The following NCS1 variants were observed in gnomAD, a reference collection of about 807,000 sequenced individuals.
The protein encoded by NCS1 is neuronal calcium sensor 1.
A neutral mutation model predicts 28.4 loss-of-function variants in NCS1; 6 were observed. The observed-to-expected ratio is 0.21, with a 90% confidence interval of 0.12 to 0.42. The LOEUF (loss-of-function observed/expected upper bound fraction) is 0.42, where lower values mean the gene tolerates loss of function less well. Ranked by LOEUF, NCS1 falls within the 10% of genes least tolerant of loss-of-function variation. The pLI, the probability that NCS1 is intolerant of heterozygous loss-of-function variation, is 1.00. For missense variants in NCS1, 131 were observed against 241.4 expected (o/e 0.54, Z 3.03); for synonymous variants, 86 against 99.3 (o/e 0.87, Z 0.79).
chr9:130,173,199 T>TGGGGTG (rs561408660), intron 1 of NCS1, among the ~76,000 whole-genome samples: 1 of 119,828 alleles, frequency 8.3e-6, no homozygotes, highest in African/African-American at 3.3e-5. Context: ...CCCGTTCGTG[T>TGGGGTG]GGGGGGGGGG....
intron 1 of NCS1, among the ~76,000 whole-genome samples, chr9:130,173,199 T>TG (rs372844368): frequency 0.25 from 30,091 of 119,532 alleles, 3,257 homozygotes; most frequent in Admixed American, 0.29. Context: ...CCCGTTCGTG[T>TG]GGGGGGGGGG....
chr9:130,211,988 C>T (rs577441924), intron 2 of NCS1, among the ~76,000 whole-genome samples: 6 of 152,082 alleles, frequency 3.9e-5, no homozygotes, highest in Admixed American at 1.3e-4. Context: ...GAGAAGGAAG[C>T]GGTGAGTGGA....
intron 1 of NCS1, among the ~76,000 whole-genome samples, chr9:130,200,189 C>T (rs1458276536): frequency 6.6e-6 from 1 of 152,204 alleles, no homozygotes; most frequent in African/African-American, 2.4e-5. Flanking sequence ...CTCACACAGG[C>T]AGGGAGCAAG....
chr9:130,187,327 G>A (rs3780714), intron 1 of NCS1, among the ~76,000 whole-genome samples: 3,287 of 152,222 alleles, frequency 0.022, 52 homozygotes, highest in East Asian at 0.053. Flanking sequence ...TCTGAGCACC[G>A]TGACAAGGAC....
chr9:130,211,137 G>A (rs2131144555), intron 2 of NCS1, among the ~76,000 whole-genome samples: 1 of 151,122 alleles, frequency 6.6e-6, no homozygotes, highest in Non-Finnish European at 1.5e-5. Context: ...CCAGGTGTGA[G>A]CCACCTGACC....
At chr9:130,184,751 C>G (rs1234858847) in intron 1 of NCS1, among the ~76,000 whole-genome samples, 1 of 152,046 alleles carries the variant, frequency 6.6e-6, no homozygotes, top group African/African-American at 2.4e-5. Context: ...CCTCAGCCTC[C>G]CAAGTAGCTG....
chr9:130,212,976 AC>A (rs1215269005), intron 2 of NCS1, among the ~76,000 whole-genome samples: 5 of 150,324 alleles, frequency 3.3e-5, no homozygotes, highest in Non-Finnish European at 7.4e-5. Flanking sequence ...GAAGGTTCAG[AC>A]CCCCCCATCC....
In NCS1 at chr9:130,192,421, G is replaced by T. The variant is rs529931349; in HGVS notation, c.65-8537G>T. On this transcript the variant is annotated intron_variant, in intron 1 of 7. Coordinates refer to ENST00000372398, the MANE Select transcript of NCS1 (RefSeq NM_014286.4). The surrounding 1 kb of genome is among the most constrained non-coding windows in gnomAD (Gnocchi z 4.8). ...TTCCTGTCCTCACTCCAGCCCTCTC[G>T]GGGGCTGCTCTTCCTGGACACGGGG... Among the ~76,000 whole-genome samples the T allele has an allele frequency of 1.3e-5, 2 of 152,080 alleles. No individual in the cohort carries two copies. The highest frequency in any genetic ancestry group is 4.8e-5 in the African/African-American group (2 of 41,420).
chr9:130,206,708 C>T (rs1833028655), intron 2 of NCS1, among the ~76,000 whole-genome samples: 1 of 152,142 alleles, frequency 6.6e-6, no homozygotes, highest in East Asian at 1.9e-4. Flanking sequence ...CCGCGCCCGG[C>T]CCCGTTCTTG....
chr9:130,189,879 A>AAAAAAAAAT (rs1554906056), intron 1 of NCS1, among the ~76,000 whole-genome samples: 1 of 37,750 alleles, frequency 2.6e-5, no homozygotes, highest in Admixed American at 4.2e-4. Flanking sequence ...AAAAAAAAAA[A>AAAAAAAAAT]ATATATATAT....
At chr9:130,220,347 G>A (rs575588535) in intron 4 of NCS1, among the ~76,000 whole-genome samples, 117 of 152,282 alleles carry the variant, frequency 7.7e-4, no homozygotes, top group Non-Finnish European at 1.4e-3. Flanking sequence ...AAGATAGATG[G>A]GTCCCTGCTC....
Position 130,219,712 on chromosome 9 carries a change from T to C in NCS1, c.229-13T>C, listed in dbSNP as rs1554909946. The C allele has an allele frequency of 3.1e-6, 5 of 1,613,898 alleles. No homozygotes were observed. In the Admixed American group the frequency reaches 6.7e-5, roughly 22 times the overall value. ...CGGCACTGACTGAGGCAATCCCCTC[T>C]CTCTCCTGTCAGGACGGGCGAATTG... On this transcript the variant is annotated splice_polypyrimidine_tract_variant and intron_variant, in intron 3 of 7. Coordinates refer to ENST00000372398, the MANE Select transcript of NCS1 (RefSeq NM_014286.4). The surrounding 1 kb of genome is among the most constrained non-coding windows in gnomAD (Gnocchi z 5.7).
chr9:130,187,221 T>C (rs1764030736), intron 1 of NCS1, among the ~76,000 whole-genome samples: 1 of 152,078 alleles, frequency 6.6e-6, no homozygotes, highest in South Asian at 2.1e-4. Context: ...CCAGTCAAGG[T>C]CAGGGTCCGG....
rs1833604714 is a variant in NCS1 at position 130,237,050 on chromosome 9, C to T, written c.*4078C>T. 6.6e-6 allele frequency: 1 copy of T among 152,300 alleles called. No homozygotes were observed. Among genetic ancestry groups the T allele is most frequent in the Non-Finnish European group, 1.5e-5 (1 of 68,134 alleles). 9.4% of individuals were successfully genotyped at this position (152,300 alleles called of 1,614,324 possible). On this transcript the variant is annotated 3_prime_UTR_variant, in exon 8 of 8. Coordinates refer to ENST00000372398, the MANE Select transcript of NCS1 (RefSeq NM_014286.4). ...GGGGGAGAAATTGGTATAATGCTTGCAAAAACAAACAAACAAAAGGCAATG... is the reference window on the plus strand; with the variant it reads ...GGGGGAGAAATTGGTATAATGCTTGTAAAAACAAACAAACAAAAGGCAATG...
intron 7 of NCS1, among the ~76,000 whole-genome samples, chr9:130,227,811 C>T (rs184989961): frequency 6.6e-6 from 1 of 152,340 alleles, no homozygotes; most frequent in East Asian, 1.9e-4. Flanking sequence ...GTGCCTCTGG[C>T]TCAAGGACTC....
intron 1 of NCS1, among the ~76,000 whole-genome samples, chr9:130,179,715 T>C (rs75752171): frequency 0.015 from 2,317 of 152,304 alleles, 30 homozygotes; most frequent in Non-Finnish European, 0.018. Context: ...GCCAATTTTA[T>C]GGGGAGGAAA....
At chr9:130,182,743 G>T (rs559996560) in intron 1 of NCS1, among the ~76,000 whole-genome samples, 1 of 152,340 alleles carries the variant, frequency 6.6e-6, no homozygotes, top group Admixed American at 6.5e-5. Context: ...GCAACGTACC[G>T]CCATCTTACG....
chr9:130,220,565 G>A (rs1415819575), intron 4 of NCS1, among the ~76,000 whole-genome samples: 2 of 152,008 alleles, frequency 1.3e-5, no homozygotes, highest in African/African-American at 4.8e-5. Flanking sequence ...CCCAGTGGAG[G>A]GAGGCTGAGA....
chr9:130,210,119 G>A (rs1833092054), intron 2 of NCS1, among the ~76,000 whole-genome samples: 1 of 152,118 alleles, frequency 6.6e-6, no homozygotes, highest in Admixed American at 6.5e-5. Context: ...AGGACTTCCC[G>A]GCCAGGCGCG....
Sources: gnomAD v4.1 joint callset for allele counts (sites outside exome capture counted in the v4.1 genomes callset) on GRCh38, gnomAD v4.1.1 for gene constraint, Gnocchi (gnomAD v3.1) non-coding constraint, MANE v1.5 for transcripts, NCBI Gene and HGNC (gene_info 2026-07-23, HGNC 2026-07-21) for gene names.